The following ARSG variants were observed in gnomAD, a reference collection of about 807,000 sequenced individuals.
ARSG encodes ASG.
In ARSG, 37 loss-of-function variants were observed where a neutral mutation model predicts 50.5. That is an observed-to-expected ratio of 0.73 (90% CI 0.56 to 0.96). The LOEUF is 0.96. Ranked by LOEUF, ARSG falls within the 50% of genes least tolerant of loss-of-function variation. ARSG has a pLI of 0.00. For synonymous variants in ARSG, 225 were observed against 254.6 expected, an observed-to-expected ratio of 0.88 and a Z score of 1.11; for missense variants, 629 against 675.3, an observed-to-expected ratio of 0.93 and a Z score of 0.76.
At chr17:68,427,245 C>T, downstream of ARSG, 1 of 1,613,402 alleles carries the variant, frequency 6.2e-7, no homozygotes. Context: ...TGTTCCTGAG[C>T]CAAGCAAGCT....
At chr17:68,422,039 GTC>G (rs777073699), downstream of ARSG, 66 of 587,782 alleles carry the variant, frequency 1.1e-4, no homozygotes, top group Non-Finnish European at 1.9e-4. Context: ...CTATAAAAAT[GTC>G]TCTGTGTGTG....
intron 11 of ARSG, among the ~76,000 whole-genome samples, chr17:68,404,906 T>A (rs1321516840): frequency 6.6e-6 from 1 of 152,200 alleles, no homozygotes; most frequent in Non-Finnish European, 1.5e-5. Flanking sequence ...CATGTTGACA[T>A]CCAGTTTTCC....
At chr17:68,288,042 G>C (rs1469859422), upstream of ARSG, among the ~76,000 whole-genome samples, 1 of 147,682 alleles carries the variant, frequency 6.8e-6, no homozygotes, top group Non-Finnish European at 1.5e-5. Flanking sequence ...TGTCTCCCAG[G>C]CTGGAGCACA....
At position 68,271,293 on chromosome 17, in the gene ARSG, C is replaced by G. The variant is rs2075331306; in HGVS notation, c.-552+11867C>G. The G allele has an allele frequency of 6.2e-7, 1 of 1,614,090 alleles. No individual in the cohort carries two copies. The highest frequency in any genetic ancestry group is 1.3e-5 in the African/African-American group (1 of 74,922). The stretch of plus-strand genomic sequence containing the variant: ...CATAACAAATAAAACTTTTCTCTTT[C>G]AAAATGGAGAAGTCTAATAGCGGGG... On this transcript the variant is annotated intron_variant, in intron 1 of 11. Transcript: ENST00000448504. The surrounding 1 kb of genome is among the most constrained non-coding windows in gnomAD (Gnocchi z 5.3).
chr17:68,363,944 C>T (rs2079418819), intron 6 of ARSG, among the ~76,000 whole-genome samples: 1 of 152,152 alleles, frequency 6.6e-6, no homozygotes, highest in African/African-American at 2.4e-5. Flanking sequence ...GAGCCACCAC[C>T]AGAGAGGCCA....
chr17:68,420,776 G>A lies in ARSG; in HGVS notation c.*313G>A. 3 of 347,946 alleles carry A rather than the reference G, an allele frequency of 8.6e-6. No individual in the cohort carries two copies. Among genetic ancestry groups the A allele is most frequent in the Non-Finnish European group, 1.0e-5 (2 of 190,634 alleles). The allele number at this position is 347,946 out of a possible 1,614,324, so 21.6% of individuals were successfully genotyped here. ...ACCTAACCTGCAAGTTGATTTTGAGGGTTAAATAAAGGCATACATGAAAAT... is the reference window on the plus strand; with the variant it reads ...ACCTAACCTGCAAGTTGATTTTGAGAGTTAAATAAAGGCATACATGAAAAT... On this transcript the variant is annotated 3_prime_UTR_variant, in exon 12 of 12. Transcript: ENST00000621439.
At chr17:68,300,351 T>C (rs570724227) in intron 1 of ARSG, among the ~76,000 whole-genome samples, 43 of 152,330 alleles carry the variant, frequency 2.8e-4, no homozygotes, top group African/African-American at 8.4e-4. Flanking sequence ...AATTGAAATG[T>C]TGGGTAAGTA....
intron 5 of ARSG, among the ~76,000 whole-genome samples, chr17:68,353,748 C>T (rs901953986): frequency 5.3e-5 from 8 of 152,194 alleles, no homozygotes; most frequent in Non-Finnish European, 1.2e-4. Context: ...GTTGCCCAGG[C>T]TGGAGTGCAG....
chr17:68,402,640 T>A (rs992148636), intron 11 of ARSG, among the ~76,000 whole-genome samples: 26 of 152,172 alleles, frequency 1.7e-4, no homozygotes, highest in African/African-American at 6.3e-4. Context: ...TTCTCCTGCC[T>A]CAGCCTCCCG....
At chr17:68,401,583 C>A in intron 11 of ARSG, 133 bp downstream of exon 11, 3 of 731,114 alleles carry the variant, frequency 4.1e-6, no homozygotes, top group Non-Finnish European at 2.2e-6. Flanking sequence ...TCTTGACAAG[C>A]GTCTCCTCCA....
chr17:68,450,596 G>A, the ARSG span: 14 of 1,224,090 alleles, frequency 1.1e-5, no homozygotes, highest in South Asian at 1.0e-4. Flanking sequence ...CCCGGGACAC[G>A]GGGCCTGAGT....
At chr17:68,275,806 C>T (rs1187038740) in intron 1 of ARSG, among the ~76,000 whole-genome samples, 1 of 151,744 alleles carries the variant, frequency 6.6e-6, no homozygotes, top group Non-Finnish European at 1.5e-5. Flanking sequence ...ATAGCAAAAC[C>T]CCGTCTCTAC....
chr17:68,277,678 C>T (rs1342557294), intron 1 of ARSG, among the ~76,000 whole-genome samples: 1 of 152,142 alleles, frequency 6.6e-6, no homozygotes, highest in East Asian at 1.9e-4. Flanking sequence ...GATCCACCCA[C>T]CTTGACCTCT....
At chr17:68,284,595 C>A (rs760736922) in intron 1 of ARSG, among the ~76,000 whole-genome samples, 38 of 152,146 alleles carry the variant, frequency 2.5e-4, no homozygotes, top group Non-Finnish European at 5.1e-4. Flanking sequence ...GACACAACCT[C>A]ATCTATCCAA....
At chr17:68,328,883 G>C (rs1284518215) in intron 2 of ARSG, among the ~76,000 whole-genome samples, 1 of 152,174 alleles carries the variant, frequency 6.6e-6, no homozygotes, top group Non-Finnish European at 1.5e-5. Context: ...TGCAGGACCT[G>C]AGCTGCTGAT....
chr17:68,420,963 T>G (rs1159446206), downstream of ARSG: 1 of 159,660 alleles, frequency 6.3e-6, no homozygotes, highest in East Asian at 1.9e-4. Context: ...CACAAACCAG[T>G]GTACTCACTG....
intron 3 of ARSG, among the ~76,000 whole-genome samples, chr17:68,346,344 T>C (rs1256589754): frequency 6.6e-6 from 1 of 152,234 alleles, no homozygotes; most frequent in Non-Finnish European, 1.5e-5. Flanking sequence ...TAGTTCCTTA[T>C]TGAGGCCACA....
At chr17:68,344,341 T>C (rs1386518763) in intron 3 of ARSG, among the ~76,000 whole-genome samples, 1 of 152,226 alleles carries the variant, frequency 6.6e-6, no homozygotes, top group African/African-American at 2.4e-5. Flanking sequence ...AACTTGGGCA[T>C]GGTAATCTTC....
chr17:68,381,303 TTGA>T lies in ARSG; in HGVS notation c.983-3759_983-3757del, dbSNP rs1212588047. ...AGCAAATTCATGAATCATGGTTTTG[TTGA>T]TATTTTGGTTGCTGTGGCTAAATAT... On this transcript the variant is annotated intron_variant, in intron 8 of 11. Transcript: ENST00000621439. The surrounding 1 kb of genome is among the most constrained non-coding windows in gnomAD (Gnocchi z 4.1). Among the ~76,000 whole-genome samples, 5 of 152,202 alleles carry T rather than the reference TTGA, an allele frequency of 3.3e-5. No individual in the cohort carries two copies. Among genetic ancestry groups the T allele is most frequent in the Admixed American group, 3.3e-4 (5 of 15,272 alleles).
Sources: gnomAD v4.1 joint callset for allele counts (sites outside exome capture counted in the v4.1 genomes callset) on GRCh38, gnomAD v4.1.1 for gene constraint, Gnocchi (gnomAD v3.1) non-coding constraint, MANE v1.5 for transcripts, NCBI Gene and HGNC (gene_info 2026-07-23, HGNC 2026-07-21) for gene names.